BSDC1: variants seen among roughly 807,000 people sequenced by gnomAD.
BSDC1 encodes BSD domain-containing protein 1.
Under a neutral mutation model 56.0 loss-of-function variants are expected in BSDC1, and 29 were observed. The observed-to-expected ratio is 0.52, with a 90% confidence interval of 0.39 to 0.71. BSDC1 has a LOEUF of 0.71. Among genes scored for constraint, BSDC1 ranks in the 30% least tolerant of loss-of-function variants. The pLI is 0.00. For synonymous variants in BSDC1, 210 were observed against 215.3 expected, an observed-to-expected ratio of 0.98 and a Z score of 0.21; for missense variants, 477 against 548.5, an observed-to-expected ratio of 0.87 and a Z score of 1.30.
chr1:32,379,732 G>A (rs953103436), intron 5 of BSDC1, among the ~76,000 whole-genome samples: 1 of 152,120 alleles, frequency 6.6e-6, no homozygotes, highest in Admixed American at 6.5e-5. Context: ...CTGAGGCTAC[G>A]GGCACGCCAT....
At position 32,381,231 on chromosome 1, in the gene BSDC1, T is replaced by C. The variant is rs760020632; in HGVS notation, c.395A>G (p.Tyr132Cys). The C allele has an allele frequency of 2.5e-6, 4 of 1,613,524 alleles. No homozygotes were observed. The highest frequency in any genetic ancestry group is 1.7e-5 in the Admixed American group (1 of 59,952). The change falls in exon 5 of 11, where the codon TAC becomes TGC. Residue 132 changes from tyrosine (Y) to cysteine (C), a missense_variant. Transcript: ENST00000455895. ...LYSLQSDPAT[Y>C]CNEPDGPPEL... The stretch of plus-strand genomic sequence containing the variant: ...CCTCTCACCATCTGGTTCATTACAG[T>C]AGGTTGCTGGGTCCGACTGCAGGCT...
intron 9 of BSDC1, among the ~76,000 whole-genome samples, chr1:32,373,910 G>A (rs1360679217): frequency 6.6e-6 from 1 of 152,164 alleles, no homozygotes; most frequent in African/African-American, 2.4e-5. Flanking sequence ...TCCTGCACCT[G>A]AGCAACTGAA....
chr1:32,386,669 A>C (rs957909757), intron 3 of BSDC1, 110 bp downstream of exon 3: 5 of 647,014 alleles, frequency 7.7e-6, no homozygotes, highest in Non-Finnish European at 1.2e-5. Context: ...AGTAATCCAC[A>C]TATTTTTCCC....
Position 32,378,343 on chromosome 1 carries a change from C to T in BSDC1, c.529-60G>A. ...GAGTGTTTGTGTGGGGTCTGTGTCC[C>T]CAGCCTTATCAGTCTATTCCCAGCC... is the stretch of plus-strand genomic sequence containing the variant. On this transcript the variant is annotated intron_variant, in intron 6 of 10. Transcript: ENST00000455895. This position sits in a 1 kb window ranked among gnomAD's most constrained non-coding sequence, Gnocchi z 5.2. 4 of 1,523,610 alleles carry T rather than the reference C, an allele frequency of 2.6e-6. No individual in the cohort carries two copies. Among genetic ancestry groups the T allele is most frequent in the Non-Finnish European group, 3.6e-6 (4 of 1,099,478 alleles). The allele number at this position is 1,523,610 out of a possible 1,614,324, so 94.4% of individuals were successfully genotyped here. A position where few individuals can be genotyped will look rare whatever the true frequency, so the allele number is the denominator to read the frequency against.
At position 32,378,154 on chromosome 1, in the gene BSDC1, A is replaced by G; in HGVS notation, c.597+61T>C. ...CACCCTGTATCCCTTTCTTCTCTCAATAAATCCAGCCTGCTTCCCCCAGGG... is the reference window on the plus strand; with the variant it reads ...CACCCTGTATCCCTTTCTTCTCTCAGTAAATCCAGCCTGCTTCCCCCAGGG... On this transcript the variant is annotated intron_variant, in intron 7 of 10. Coordinates refer to ENST00000455895, the MANE Select transcript of BSDC1 (RefSeq NM_018045.8). The surrounding 1 kb of genome is among the most constrained non-coding windows in gnomAD (Gnocchi z 5.2). 6 of 1,609,738 alleles carry G rather than the reference A, an allele frequency of 3.7e-6. No homozygotes were observed. The African/African-American group carries it at 4.0e-5, about 11-fold the overall frequency.
intron 10 of BSDC1, 79 bp downstream of exon 10, chr1:32,368,368 A>G: frequency 6.2e-7 from 1 of 1,614,066 alleles, no homozygotes. Flanking sequence ...TCCTGAGGGG[A>G]CAGCTGGGCT....
chr1:32,388,893 G>A (rs562975726), intron 2 of BSDC1, among the ~76,000 whole-genome samples: 2 of 151,700 alleles, frequency 1.3e-5, no homozygotes, highest in Non-Finnish European at 2.9e-5. Flanking sequence ...TTCCCTAGAG[G>A]GGCTTCCTGC....
intron 2 of BSDC1, chr1:32,393,757 T>C (rs1642948631): frequency 2.7e-6 from 1 of 371,998 alleles, no homozygotes; most frequent in Non-Finnish European, 4.9e-6. Flanking sequence ...ATCTTTTCCT[T>C]CAAGACCTGT....
chr1:32,384,015 A>G lies in BSDC1; in HGVS notation c.190-18T>C. The G allele has an allele frequency of 6.2e-7, 1 of 1,613,034 alleles. No individual in the cohort carries two copies. The highest frequency in any genetic ancestry group is 8.5e-7 in the Non-Finnish European group (1 of 1,180,024). ...CCTTCCGTCTGTATAGAGAACGGGCAGAGGAAGCAAGCGCCCCGGGAACAG... is the reference window on the plus strand; with the variant it reads ...CCTTCCGTCTGTATAGAGAACGGGCGGAGGAAGCAAGCGCCCCGGGAACAG... On this transcript the variant is annotated intron_variant, in intron 3 of 10. Transcript: ENST00000455895.
At position 32,376,511 on chromosome 1, in the gene BSDC1, T is replaced by C. The variant is rs555559494; in HGVS notation, c.907A>G (p.Lys303Glu). The change falls in exon 9 of 11, where the codon AAG (lysine) becomes GAG (glutamate). Residue 303 changes from lysine (K) to glutamate (E), a missense_variant. Physicochemically the swap from Lys to Glu is moderately conservative, Grantham distance 56. Transcript: ENST00000455895. ...TCTAGCAGCTTTTGGGACAGGTCCT[T>C]GGGTAGCACTCGTGCCTCAGGTGCA... ...ATAPEARVLP[K>E]DLSQKLLEAS... 30 of 1,597,310 alleles carry C rather than the reference T, an allele frequency of 1.9e-5. No homozygotes were observed. The South Asian group carries it at 3.1e-4, about 17-fold the overall frequency.
intron 2 of BSDC1, among the ~76,000 whole-genome samples, chr1:32,390,033 G>A (rs577567545): frequency 1.6e-4 from 25 of 151,840 alleles, no homozygotes; most frequent in Non-Finnish European, 3.1e-4. Flanking sequence ...GTTTAGTGAC[G>A]TCTACAAGCA....
intron 2 of BSDC1, among the ~76,000 whole-genome samples, chr1:32,389,359 ATACAGT>A (rs1281102321): frequency 5.3e-5 from 8 of 152,246 alleles, no homozygotes; most frequent in African/African-American, 1.9e-4. Context: ...GACACAGAGC[ATACAGT>A]AGGTACTCAA....
chr1:32,368,113 C>T (rs1641917858), intron 10 of BSDC1: 1 of 1,366,578 alleles, frequency 7.3e-7, no homozygotes, highest in Non-Finnish European at 9.4e-7. Flanking sequence ...CTCAAGCAAT[C>T]CTCCCACCTT....
chr1:32,377,254 T>G (rs765402830), intron 8 of BSDC1, among the ~76,000 whole-genome samples: 7 of 152,348 alleles, frequency 4.6e-5, no homozygotes, highest in Non-Finnish European at 7.3e-5. Context: ...TAATGCCTGG[T>G]GGGCTTCCAG....
At position 32,376,352 on chromosome 1, in the gene BSDC1, T is replaced by A. The variant is rs1455023732; in HGVS notation, c.1066A>T (p.Thr356Ser). The part of the protein sequence containing the change: ...PEPRPPARVE[T>S]LREEAPTDLR... ...TCTGTGGGCGCCTCCTCCCTCAGAGTCTCTACTCTGGCTGGAGGCCTGGGC... is the reference window on the plus strand; with the variant it reads ...TCTGTGGGCGCCTCCTCCCTCAGAGACTCTACTCTGGCTGGAGGCCTGGGC... Residue 356 changes from threonine (T) to serine (S), a missense_variant, in exon 9 of 11, where the codon ACT becomes TCT. Coordinates refer to ENST00000455895, the MANE Select transcript of BSDC1 (RefSeq NM_018045.8). 8 of 1,611,936 alleles carry A rather than the reference T, an allele frequency of 5.0e-6. No homozygotes were observed. Among genetic ancestry groups the A allele is most frequent in the Admixed American group, 1.7e-5 (1 of 59,860 alleles).
At chr1:32,371,030 A>C (rs1642062242) in intron 9 of BSDC1, among the ~76,000 whole-genome samples, 1 of 152,032 alleles carries the variant, frequency 6.6e-6, no homozygotes, top group Admixed American at 6.6e-5. Context: ...TCATTGCTCT[A>C]AACATTCATA....
At chr1:32,366,938 A>AC in intron 10 of BSDC1, 1 of 1,182,586 alleles carries the variant, frequency 8.5e-7, no homozygotes, top group Non-Finnish European at 1.0e-6. Context: ...GCCTACAGGA[A>AC]CCAAGTCAGC....
intron 9 of BSDC1, among the ~76,000 whole-genome samples, chr1:32,371,590 G>C (rs917069768): frequency 6.6e-6 from 1 of 151,966 alleles, no homozygotes; most frequent in Non-Finnish European, 1.5e-5. Flanking sequence ...GATTACAAGC[G>C]TGAGCCACCG....
intron 9 of BSDC1, among the ~76,000 whole-genome samples, chr1:32,376,024 A>G (rs1346878001): frequency 6.6e-6 from 1 of 152,246 alleles, no homozygotes; most frequent in East Asian, 1.9e-4. Flanking sequence ...TCTGGCATCA[A>G]ACTTGTTTTG....
Sources: allele counts gnomAD v4.1 joint callset (sites outside exome capture counted in the v4.1 genomes callset), GRCh38; gene constraint gnomAD v4.1.1; non-coding constraint Gnocchi (gnomAD v3.1); transcripts MANE v1.5; gene names NCBI Gene and HGNC (gene_info 2026-07-23, HGNC 2026-07-21).